DPP6: variants seen among roughly 807,000 people sequenced by gnomAD.
DPP6 encodes the protein dipeptidyl peptidase like 6.
In DPP6, 69 loss-of-function variants were observed where a neutral mutation model predicts 122.6. That is an observed-to-expected ratio of 0.56 (90% confidence interval 0.46 to 0.69). The LOEUF is 0.69. Among genes scored for constraint, DPP6 ranks in the 30% least tolerant of loss-of-function variants. The pLI, the probability that DPP6 is intolerant of heterozygous loss-of-function variation, is 0.00. For missense variants in DPP6, 928 were observed against 1,116.9 expected (o/e 0.83, Z 2.41); for synonymous variants, 418 against 433.1 (o/e 0.97, Z 0.43).
intron 1 of DPP6, among the ~76,000 whole-genome samples, chr7:154,158,843 C>T (rs1796827725): frequency 6.6e-6 from 1 of 152,018 alleles, no homozygotes; most frequent in South Asian, 2.1e-4. Flanking sequence ...ACCTCTTGCC[C>T]AGGGAACATA....
intron 1 of DPP6, among the ~76,000 whole-genome samples, chr7:153,993,082 T>C (rs574977950): frequency 1.3e-5 from 2 of 152,340 alleles, no homozygotes; most frequent in South Asian, 4.1e-4. Context: ...ATATGAAATA[T>C]CATAAGTAGA....
At chr7:154,371,607 G>A (rs1341907527) in intron 1 of DPP6, among the ~76,000 whole-genome samples, 1 of 152,046 alleles carries the variant, frequency 6.6e-6, no homozygotes, top group Non-Finnish European at 1.5e-5. Context: ...GCATCCCGCT[G>A]TCCTGAATGC....
chr7:154,082,652 C>A (rs1804104439), intron 1 of DPP6, among the ~76,000 whole-genome samples: 1 of 151,880 alleles, frequency 6.6e-6, no homozygotes, highest in African/African-American at 2.4e-5. Flanking sequence ...TGGACCCTCA[C>A]CCCTTCCTCC....
intron 1 of DPP6, among the ~76,000 whole-genome samples, chr7:154,088,355 C>T (rs1269521096): frequency 6.8e-6 from 1 of 146,942 alleles, no homozygotes; most frequent in South Asian, 2.2e-4. Context: ...GTTCTGTGCC[C>T]TCTCTTCTGA....
At chr7:154,529,550 A>G (rs972340855) in intron 3 of DPP6, among the ~76,000 whole-genome samples, 1 of 152,246 alleles carries the variant, frequency 6.6e-6, no homozygotes, top group African/African-American at 2.4e-5. Context: ...CACATGCTCA[A>G]AATAAAAGAA....
chr7:154,398,646 T>C (rs1318986593), intron 1 of DPP6, among the ~76,000 whole-genome samples: 2 of 152,174 alleles, frequency 1.3e-5, no homozygotes. Context: ...TATGCTGTTT[T>C]CATTTTGCAA....
rs372497133 is a variant in DPP6, at chr7:153,932,811, C to T, written c.51+45077C>T. Among the ~76,000 whole-genome samples, 35 of 152,256 alleles carry T rather than the reference C, an allele frequency of 2.3e-4. No individual in the cohort carries two copies. The South Asian group carries it at 7.3e-3, about 32-fold the overall frequency. ...TGTTTCCACCTCCTGATGATCTTAA[C>T]CCGTGTCATATAGTTTGGCTGTGTC... On this transcript the variant is annotated intron_variant, in intron 1 of 25. Coordinates refer to the DPP6 transcript ENST00000404039.
At chr7:154,498,857 C>T (rs533968020) in intron 3 of DPP6, among the ~76,000 whole-genome samples, 50 of 152,368 alleles carry the variant, frequency 3.3e-4, no homozygotes, top group African/African-American at 1.2e-3. Context: ...AGTCTCCAGA[C>T]ATTCCCAAAT....
intron 1 of DPP6, among the ~76,000 whole-genome samples, chr7:154,018,111 T>TTTGCAA (rs1239697395): frequency 1.3e-5 from 2 of 151,910 alleles, no homozygotes; most frequent in Non-Finnish European, 2.9e-5. Flanking sequence ...AGCAGGGTGA[T>TTTGCAA]TTGCAACCCC....
At chr7:154,190,498 A>C (rs1798564632) in intron 1 of DPP6, among the ~76,000 whole-genome samples, 1 of 152,210 alleles carries the variant, frequency 6.6e-6, no homozygotes, top group African/African-American at 2.4e-5. Flanking sequence ...ATAAGCAGGC[A>C]AGTCTGTCAG....
chr7:154,090,556 AG>A (rs1804732496), intron 1 of DPP6, among the ~76,000 whole-genome samples: 1 of 152,200 alleles, frequency 6.6e-6, no homozygotes, highest in African/African-American at 2.4e-5. Context: ...TGTATCAAAA[AG>A]TATATTTTTT....
At chr7:153,890,479 C>A (rs563183382) in intron 1 of DPP6, among the ~76,000 whole-genome samples, 1 of 152,236 alleles carries the variant, frequency 6.6e-6, no homozygotes, top group South Asian at 2.1e-4. Flanking sequence ...CCCGGCTGGT[C>A]CTTGCCATGC....
the DPP6 span, among the ~76,000 whole-genome samples, chr7:153,798,357 C>T: frequency 9.7e-4 from 147 of 152,296 alleles, 2 homozygotes; most frequent in Admixed American, 7.3e-3. Flanking sequence ...TTGGTTTTCC[C>T]TAGAAGAAAG....
chr7:154,847,045 A>G (rs73485635), intron 16 of DPP6, among the ~76,000 whole-genome samples: 3,632 of 152,264 alleles, frequency 0.024, 141 homozygotes, highest in African/African-American at 0.082. Flanking sequence ...GTTAGGAACA[A>G]TCTTCTGCCT....
At chr7:154,085,007 A>C (rs200439717) in intron 1 of DPP6, among the ~76,000 whole-genome samples, 3 of 149,022 alleles carry the variant, frequency 2.0e-5, no homozygotes, top group Admixed American at 6.6e-5. Context: ...AAAAAAAAAA[A>C]AAAACAGGTG....
intron 16 of DPP6, among the ~76,000 whole-genome samples, chr7:154,811,004 C>T (rs902262739): frequency 3.9e-5 from 6 of 152,318 alleles, no homozygotes; most frequent in South Asian, 4.1e-4. Flanking sequence ...GAAATTATCA[C>T]GCTAGGGTTT....
At chr7:154,205,299 G>C (rs1169400961) in intron 1 of DPP6, among the ~76,000 whole-genome samples, 1 of 152,108 alleles carries the variant, frequency 6.6e-6, no homozygotes, top group Non-Finnish European at 1.5e-5. Flanking sequence ...GGACATTTCT[G>C]TCCTCACAGG....
chr7:154,879,583 C>A (rs1215459728), intron 20 of DPP6, among the ~76,000 whole-genome samples: 1 of 132,106 alleles, frequency 7.6e-6, no homozygotes, highest in African/African-American at 2.9e-5. Context: ...AGCGAGACTC[C>A]GTCTCAAAAA....
In DPP6 at chr7:154,758,373, ATT is replaced by A. The variant is rs10632379; in HGVS notation, c.884-11029_884-11028del. ...TCAGACTGTGATGAAGGAAATACAG[ATT>A]TTTTTTTTTTTTTTGAGACAGAGTC... On this transcript the variant is annotated intron_variant, in intron 8 of 25. Coordinates refer to ENST00000377770, the MANE Select transcript of DPP6 (RefSeq NM_130797.4). 7.9e-4 allele frequency among the ~76,000 whole-genome samples: 113 copies of A among 143,658 alleles called. 2 individuals carry two copies. Among genetic ancestry groups the A allele is most frequent in the African/African-American group, 2.7e-3 (104 of 38,946 alleles). 94.2% of individuals were successfully genotyped at this position (143,658 alleles called of 152,430 possible).
Sources: gnomAD v4.1 joint callset for allele counts (sites outside exome capture counted in the v4.1 genomes callset) on GRCh38, gnomAD v4.1.1 for gene constraint, MANE v1.5 for transcripts, NCBI Gene and HGNC (gene_info 2026-07-23, HGNC 2026-07-21) for gene names.